The following BBS7 variants were observed in gnomAD, a reference collection of about 807,000 sequenced individuals.
The protein encoded by BBS7 is BBSome complex member BBS7.
In BBS7, 50 loss-of-function variants were observed where a neutral mutation model predicts 90.3. That is an observed-to-expected ratio of 0.55 (90% CI 0.44 to 0.70). BBS7 has a LOEUF of 0.70. Among genes scored for constraint, BBS7 ranks in the 30% least tolerant of loss-of-function variants. BBS7 has a pLI of 0.00. For missense variants in BBS7, 729 were observed against 838.9 expected, an observed-to-expected ratio of 0.87 and a Z score of 1.62; for synonymous variants, 235 against 287.4, an observed-to-expected ratio of 0.82 and a Z score of 1.85.
chr4:121,844,362 A>G (rs1227665057), intron 11 of BBS7, among the ~76,000 whole-genome samples: 1 of 152,126 alleles, frequency 6.6e-6, no homozygotes, highest in Non-Finnish European at 1.5e-5. Flanking sequence ...GTTCATTTTT[A>G]TCAGTTTTAA....
chr4:121,828,533 G>C (rs772581246), intron 16 of BBS7, 28 bp from the exon 17 acceptor site: 3 of 1,573,860 alleles, frequency 1.9e-6, no homozygotes, highest in Admixed American at 3.3e-5. Context: ...GATGCAGTTA[G>C]ATAAATCACT....
At chr4:121,862,333 C>T (rs1417603396) in intron 3 of BBS7, among the ~76,000 whole-genome samples, 1 of 152,092 alleles carries the variant, frequency 6.6e-6, no homozygotes, top group Non-Finnish European at 1.5e-5. Context: ...TTTGCACCAG[C>T]TTCTTCTCCT....
At chr4:121,846,248 G>GA (rs1726007142) in intron 10 of BBS7, among the ~76,000 whole-genome samples, 1 of 152,172 alleles carries the variant, frequency 6.6e-6, no homozygotes, top group Admixed American at 6.5e-5. Context: ...GGATTCTGCT[G>GA]AGACTGAACT....
In BBS7 at chr4:121,840,056, T is replaced by C. The variant is rs189710802; in HGVS notation, c.1306-360A>G. 7.9e-5 allele frequency among the ~76,000 whole-genome samples: 12 copies of C among 152,316 alleles called. No homozygotes were observed. The East Asian group carries it at 1.3e-3, about 17-fold the overall frequency. On this transcript the variant is annotated intron_variant, in intron 12 of 18. Transcript: ENST00000264499. Reference sequence around the variant, plus strand: ...GACAATGCAAACACCAAATGTGATATGGTTTGGCTCTGTCCCCATTCAAAT... The same window carrying C: ...GACAATGCAAACACCAAATGTGATACGGTTTGGCTCTGTCCCCATTCAAAT...
chr4:121,855,465 T>C, intron 6 of BBS7, 24 bp downstream of exon 6: 1 of 1,598,670 alleles, frequency 6.3e-7, no homozygotes, highest in Non-Finnish European at 8.6e-7. Context: ...ATAGTTGATT[T>C]GTGAAAAATA....
At chr4:121,832,312 A>G (rs541009519) in intron 15 of BBS7, among the ~76,000 whole-genome samples, 1 of 152,304 alleles carries the variant, frequency 6.6e-6, no homozygotes, top group Non-Finnish European at 1.5e-5. Flanking sequence ...ACAGAGTGAG[A>G]TCCTGTCTCA....
chr4:121,870,217 G>C, intron 1 of BBS7, 61 bp downstream of exon 1: 2 of 1,606,852 alleles, frequency 1.2e-6, no homozygotes, highest in South Asian at 1.1e-5. Flanking sequence ...GTGGAAGGAA[G>C]GAATCCTCTC....
chr4:121,867,530 G>A (rs1184350255), intron 2 of BBS7, among the ~76,000 whole-genome samples: 2 of 152,006 alleles, frequency 1.3e-5, no homozygotes, highest in Non-Finnish European at 2.9e-5. Flanking sequence ...TAAAATATTT[G>A]GCTAGTCTAC....
In BBS7 at chr4:121,828,185, C is replaced by G. The variant is rs113786007; in HGVS notation, c.1975G>C (p.Glu659Gln). ...ILEEADHLQE[E>Q]YKKQPAHLER... is the part of the protein sequence containing the mutation. Reference sequence around the variant, plus strand: ...AGATGTGCAGGTTGCTTTTTGTATTCTTCCTGTAGGTGATCTGCCTCTTCT... The same window carrying G: ...AGATGTGCAGGTTGCTTTTTGTATTGTTCCTGTAGGTGATCTGCCTCTTCT... Residue 659 changes from glutamate (E) to glutamine (Q), a missense_variant, in exon 18 of 19, where the codon GAA (glutamate) becomes CAA (glutamine). Transcript: ENST00000264499. The G allele has an allele frequency of 8.7e-6, 14 of 1,613,858 alleles. No individual in the cohort carries two copies. Among genetic ancestry groups the G allele is most frequent in the African/African-American group, 6.7e-5 (5 of 75,042 alleles).
chr4:121,833,617 G>C (rs868580018), intron 14 of BBS7, among the ~76,000 whole-genome samples: 1 of 152,080 alleles, frequency 6.6e-6, no homozygotes, highest in Non-Finnish European at 1.5e-5. Context: ...TCAGTTAAGT[G>C]ATATATGTAA....
At position 121,828,467 on chromosome 4, in the gene BBS7, T is replaced by C; in HGVS notation, c.1825A>G (p.Ile609Val). 1 of 1,613,928 alleles carries C rather than the reference T, an allele frequency of 6.2e-7. No individual in the cohort carries two copies. The highest frequency in any genetic ancestry group is 8.5e-7 in the Non-Finnish European group (1 of 1,179,878). ...EVSVKHTLKL[I>V]HPKLEYQLLL... ...AACTGGTACTCCAGCTTTGGGTGGA[T>C]TAGCTTTAAAGTGTGTTTGACTGAT... Residue 609 changes from isoleucine (I) to valine (V), a missense_variant, in exon 17 of 19, where the codon ATC becomes GTC. Coordinates refer to ENST00000264499, the MANE Select transcript of BBS7 (RefSeq NM_176824.3).
chr4:121,850,151 A>T (rs1726239902), intron 8 of BBS7, among the ~76,000 whole-genome samples: 2 of 150,318 alleles, frequency 1.3e-5, no homozygotes. Flanking sequence ...AATTGTAGGG[A>T]GCTGGTTTTT....
chr4:121,826,774 G>A (rs991358405), intron 18 of BBS7, among the ~76,000 whole-genome samples: 1 of 152,076 alleles, frequency 6.6e-6, no homozygotes, highest in Non-Finnish European at 1.5e-5. Context: ...ACGAAGTCAG[G>A]GGTTGGAGAC....
rs1186015059 is a variant in BBS7, at chr4:121,824,827, G to T, written c.*1033C>A. 6.6e-6 allele frequency: 1 copy of T among 151,802 alleles called. No individual in the cohort carries two copies. Among genetic ancestry groups the T allele is most frequent in the African/African-American group, 2.4e-5 (1 of 41,332 alleles). 9.4% of individuals were successfully genotyped at this position (151,802 alleles called of 1,614,324 possible). A position where few individuals can be genotyped will look rare whatever the true frequency, so the allele number is the denominator to read the frequency against. ...TACAAAGCTTGCACATAACTAATAA[G>T]TATAATAGCATATCATTAAGAAGCA... On this transcript the variant is annotated 3_prime_UTR_variant, in exon 19 of 19. Coordinates refer to ENST00000264499, the MANE Select transcript of BBS7 (RefSeq NM_176824.3). The surrounding 1 kb of genome is among the most constrained non-coding windows in gnomAD (Gnocchi z 4.1).
At chr4:121,861,807 T>C in intron 3 of BBS7, 128 bp from the exon 4 acceptor site, 2 of 905,086 alleles carry the variant, frequency 2.2e-6, no homozygotes, top group Non-Finnish European at 3.4e-6. Context: ...GAAATAATTT[T>C]AGATAATAAT....
Position 121,839,639 on chromosome 4 carries a change from C to T in BBS7, c.1363G>A (p.Glu455Lys). 6.2e-7 allele frequency: 1 copy of T among 1,613,230 alleles called. No individual in the cohort carries two copies. Among genetic ancestry groups the T allele is most frequent in the Non-Finnish European group, 8.5e-7 (1 of 1,179,314 alleles). The change falls in exon 13 of 19, where the codon GAA becomes AAA. Residue 455 changes from glutamate to lysine, a missense_variant. Coordinates refer to ENST00000264499, the MANE Select transcript of BBS7 (RefSeq NM_176824.3). ...ATTTCTAATATTTTTACCTTGAGTTCCAGCCTTGTAGTATCTGCCTGGCAC... is the reference window on the plus strand; with the variant it reads ...ATTTCTAATATTTTTACCTTGAGTTTCAGCCTTGTAGTATCTGCCTGGCAC... ...YRCQADTTRL[E>K]LKIRSIEGQY...
intron 15 of BBS7, among the ~76,000 whole-genome samples, chr4:121,832,043 C>CACACACACACACACAA (rs138947255): frequency 7.3e-6 from 1 of 137,250 alleles, no homozygotes; most frequent in African/African-American, 2.5e-5. Context: ...CACACACACA[C>CACACACACACACACAA]AAAACAAACA....
chr4:121,866,875 C>T (rs561055905), intron 2 of BBS7, among the ~76,000 whole-genome samples: 1 of 152,212 alleles, frequency 6.6e-6, no homozygotes, highest in East Asian at 1.9e-4. Flanking sequence ...AATGCCCCAG[C>T]TTTGTTCCTT....
chr4:121,833,314 A>G lies in BBS7; in HGVS notation c.1593T>C (p.Val531=). 2 of 1,613,990 alleles carry G rather than the reference A, an allele frequency of 1.2e-6. No homozygotes were observed. The highest frequency in any genetic ancestry group is 1.7e-6 in the Non-Finnish European group (2 of 1,179,940). Residue 531 remains valine (V), a synonymous_variant, in exon 15 of 19, where the codon GTT becomes GTC. Transcript: ENST00000264499. ...HSWVVFCLPE[V]PEKPPAGECV... ...ATTCTCCTGCTGGAGGTTTTTCTGG[A>G]ACTTCAGGCAGACAAAAAACCACCC...
Sources: allele counts gnomAD v4.1 joint callset (sites outside exome capture counted in the v4.1 genomes callset), GRCh38; gene constraint gnomAD v4.1.1; non-coding constraint Gnocchi (gnomAD v3.1); transcripts MANE v1.5; gene names NCBI Gene and HGNC (gene_info 2026-07-23, HGNC 2026-07-21).